FCHSD2: variants seen among roughly 807,000 people sequenced by gnomAD.
The protein encoded by FCHSD2 is FCH and double SH3 domains 2.
FCHSD2 carries 38 observed loss-of-function variants against 108.1 expected under a neutral mutation model. That is an observed-to-expected ratio of 0.35 (90% confidence interval 0.27 to 0.46). FCHSD2 has a LOEUF of 0.46. Ranked by LOEUF, FCHSD2 falls within the 20% of genes least tolerant of loss-of-function variation. The pLI, the probability that FCHSD2 is intolerant of heterozygous loss-of-function variation, is 1.00. For missense variants in FCHSD2, 751 were observed against 897.8 expected (o/e 0.84, Z 2.09); for synonymous variants, 279 against 314.7 (o/e 0.89, Z 1.20).
At chr11:72,850,656 A>C (rs921706743) in intron 13 of FCHSD2, among the ~76,000 whole-genome samples, 1 of 152,064 alleles carries the variant, frequency 6.6e-6, no homozygotes, top group Non-Finnish European at 1.5e-5. Context: ...CCTGGCCAGG[A>C]CAGAGATTTT....
At chr11:73,006,352 G>T (rs980622129) in intron 4 of FCHSD2, among the ~76,000 whole-genome samples, 1 of 152,054 alleles carries the variant, frequency 6.6e-6, no homozygotes, top group African/African-American at 2.4e-5. Flanking sequence ...ATCTGTTCTG[G>T]CAATCTATCT....
In FCHSD2 at chr11:72,888,317, A is replaced by C. The variant is rs1331810657; in HGVS notation, c.1042-743T>G. Among the ~76,000 whole-genome samples, 3 of 152,220 alleles carry C rather than the reference A, an allele frequency of 2.0e-5. No individual in the cohort carries two copies. In the South Asian group the frequency reaches 6.2e-4, roughly 32 times the overall value. The stretch of plus-strand genomic sequence containing the variant: ...TGATGAAATTGTTGACAGATTAAGA[A>C]AAATGAGAAATCAAAGTGTCCACTT... On this transcript the variant is annotated intron_variant, in intron 11 of 19. Coordinates refer to ENST00000409418, the MANE Select transcript of FCHSD2 (RefSeq NM_014824.3).
intron 3 of FCHSD2, among the ~76,000 whole-genome samples, chr11:73,037,469 C>T (rs1044885506): frequency 6.6e-6 from 1 of 152,204 alleles, no homozygotes; most frequent in Non-Finnish European, 1.5e-5. Context: ...CTGGCAACTA[C>T]TGATCTTTTT....
intron 2 of FCHSD2, among the ~76,000 whole-genome samples, chr11:73,131,454 A>T (rs1860999729): frequency 6.6e-6 from 1 of 151,930 alleles, no homozygotes; most frequent in Admixed American, 6.6e-5. Context: ...GCGTGAAACC[A>T]GAAGGCGGAC....
At chr11:72,852,487 G>A (rs752341277) in intron 13 of FCHSD2, among the ~76,000 whole-genome samples, 12 of 152,080 alleles carry the variant, frequency 7.9e-5, no homozygotes, top group East Asian at 1.9e-4. Context: ...CCAAAATGGC[G>A]AAACCTTGTC....
chr11:72,998,095 A>C (rs377182532), intron 5 of FCHSD2, among the ~76,000 whole-genome samples: 25 of 152,354 alleles, frequency 1.6e-4, no homozygotes, highest in African/African-American at 5.0e-4. Context: ...AGGGTGGAAA[A>C]CAAAATGCTG....
In FCHSD2 at chr11:73,085,717, T is replaced by TA. The variant is rs201055524; in HGVS notation, c.120-1978dup. ...CAACATTTAAAAACTTTTTAACTATTAAAAAAAAAAATCCCTGGGCAAGGA... is the reference window on the plus strand; with the variant it reads ...CAACATTTAAAAACTTTTTAACTATTAAAAAAAAAAAATCCCTGGGCAAGGA... On this transcript the variant is annotated intron_variant, in intron 2 of 19. Transcript: ENST00000409418. Among the ~76,000 whole-genome samples, 287 of 146,938 alleles carry TA rather than the reference T, an allele frequency of 2.0e-3. 1 individual carries two copies. Among genetic ancestry groups the TA allele is most frequent in the Admixed American group, 0.014 (202 of 14,696 alleles).
intron 3 of FCHSD2, among the ~76,000 whole-genome samples, chr11:73,061,459 C>A (rs1457186433): frequency 6.6e-6 from 1 of 152,158 alleles, no homozygotes; most frequent in Non-Finnish European, 1.5e-5. Context: ...TGAGACAGAA[C>A]GATTCACTTC....
intron 8 of FCHSD2, among the ~76,000 whole-genome samples, chr11:72,927,822 A>G (rs996774597): frequency 6.6e-6 from 1 of 152,222 alleles, no homozygotes; most frequent in Non-Finnish European, 1.5e-5. Context: ...AAGAGCACCA[A>G]TAGGTACTGT....
At chr11:72,928,391 A>G (rs925625472) in intron 8 of FCHSD2, among the ~76,000 whole-genome samples, 1 of 152,204 alleles carries the variant, frequency 6.6e-6, no homozygotes, top group South Asian at 2.1e-4. Flanking sequence ...TCTCTGCATT[A>G]TACTCTACTT....
rs1861263208 is a variant in FCHSD2 at position 73,142,077 on chromosome 11, G to A, written c.-200C>T. On this transcript the variant is annotated 5_prime_UTR_variant, in exon 1 of 20. Transcript: ENST00000409418. ...CCAGAGAGCGAGTGTGAGGAGACGA[G>A]GGAGGAGCACCGGGAAGGCTTGGGG... 1 of 528,460 alleles carries A rather than the reference G, an allele frequency of 1.9e-6. No homozygotes were observed. The highest frequency in any genetic ancestry group is 3.3e-6 in the Non-Finnish European group (1 of 301,478). 32.7% of individuals were successfully genotyped at this position (528,460 alleles called of 1,614,324 possible).
chr11:73,020,125 C>T (rs1346170130), intron 3 of FCHSD2, among the ~76,000 whole-genome samples: 2 of 152,164 alleles, frequency 1.3e-5, no homozygotes, highest in African/African-American at 4.8e-5. Context: ...ACATCCGATT[C>T]CAACTTTTAA....
chr11:73,070,145 G>T (rs978592924), intron 3 of FCHSD2, among the ~76,000 whole-genome samples: 8 of 152,314 alleles, frequency 5.3e-5, no homozygotes, highest in Admixed American at 2.0e-4. Context: ...GGTAAACAAA[G>T]ATGTTCCTAG....
Position 73,141,918 on chromosome 11 carries a change from G to A in FCHSD2, c.-41C>T. On this transcript the variant is annotated 5_prime_UTR_variant, in exon 1 of 20. Transcript: ENST00000409418. ...TCAATCCTCCCCGACGGCAGCGTTA[G>A]CAAGGACCAGGAGGAGGAGGAGGGC... 6.5e-7 allele frequency: 1 copy of A among 1,538,902 alleles called. No individual in the cohort carries two copies. The highest frequency in any genetic ancestry group is 1.4e-5 in the African/African-American group (1 of 72,724).
At chr11:73,068,199 C>A (rs537514329) in intron 3 of FCHSD2, among the ~76,000 whole-genome samples, 1 of 151,862 alleles carries the variant, frequency 6.6e-6, no homozygotes, top group Admixed American at 6.6e-5. Context: ...ATATCAGTAC[C>A]CCAAATAAAT....
chr11:72,869,246 T>C (rs561323820), intron 12 of FCHSD2, among the ~76,000 whole-genome samples: 4 of 152,040 alleles, frequency 2.6e-5, no homozygotes, highest in Non-Finnish European at 5.9e-5. Context: ...TATATCCCTA[T>C]CAAAAAAAGG....
At chr11:73,086,424 C>CA (rs1256627356) in intron 2 of FCHSD2, among the ~76,000 whole-genome samples, 1 of 151,706 alleles carries the variant, frequency 6.6e-6, no homozygotes, top group African/African-American at 2.4e-5. Context: ...AACAAACAAA[C>CA]AAAAAACAAA....
intron 3 of FCHSD2, among the ~76,000 whole-genome samples, chr11:73,040,260 A>G (rs1858602386): frequency 1.3e-5 from 2 of 152,210 alleles, no homozygotes; most frequent in Non-Finnish European, 2.9e-5. Flanking sequence ...TCCCAGGAAC[A>G]GGAGAAGCCC....
intron 1 of FCHSD2, 148 bp from the exon 2 acceptor site, chr11:73,140,276 T>C (rs1490460509): frequency 1.5e-5 from 8 of 534,294 alleles, no homozygotes; most frequent in South Asian, 2.7e-5. Context: ...GTTTTATTTA[T>C]TGAAGATACT....
Sources: gnomAD v4.1 joint callset for allele counts (sites outside exome capture counted in the v4.1 genomes callset) on GRCh38, gnomAD v4.1.1 for gene constraint, MANE v1.5 for transcripts, NCBI Gene and HGNC (gene_info 2026-07-23, HGNC 2026-07-21) for gene names.